Variants in ESRRG observed in about 807,000 individuals in gnomAD.
ESRRG encodes the protein estrogen-related receptor gamma.
Under a neutral mutation model 44.0 loss-of-function variants are expected in ESRRG, and 13 were observed. That is an observed-to-expected ratio of 0.30 (90% confidence interval 0.19 to 0.47). The LOEUF (loss-of-function observed/expected upper bound fraction) is 0.47, where lower values mean the gene tolerates loss of function less well. Among genes scored for constraint, ESRRG ranks in the 20% least tolerant of loss-of-function variants. The pLI, the probability that ESRRG is intolerant of heterozygous loss-of-function variation, is 1.00. For synonymous variants in ESRRG, 215 were observed against 214.6 expected (o/e 1.00, Z -0.02); for missense variants, 395 against 580.6 (o/e 0.68, Z 3.29).
chr1:216,592,657 C>G (rs541890468), intron 3 of ESRRG, among the ~76,000 whole-genome samples: 2 of 152,088 alleles, frequency 1.3e-5, no homozygotes, highest in African/African-American at 4.8e-5. Flanking sequence ...TGCACCACCA[C>G]GCCCAGCTAA....
At chr1:216,611,205 C>T (rs931156117) in intron 3 of ESRRG, among the ~76,000 whole-genome samples, 6 of 100,228 alleles carry the variant, frequency 6.0e-5, no homozygotes, top group South Asian at 3.6e-4. Flanking sequence ...AGTGAAACTC[C>T]GTCCTCAAAA....
At chr1:216,756,435 C>T (rs1201524448) in intron 2 of ESRRG, among the ~76,000 whole-genome samples, 1 of 151,930 alleles carries the variant, frequency 6.6e-6, no homozygotes, top group East Asian at 1.9e-4. Context: ...ACTCATTTTT[C>T]TCTGCATATC....
In ESRRG at chr1:216,770,100, A is replaced by T. The variant is rs562590968; in HGVS notation, c.-13-92609T>A. Among the ~76,000 whole-genome samples, 6 of 152,158 alleles carry T rather than the reference A, an allele frequency of 3.9e-5. No individual in the cohort carries two copies. In the South Asian group the frequency reaches 1.2e-3, roughly 32 times the overall value. ...AAGATAGATAGAAAATACCACAGAC[A>T]TTGAGAGAAGGAAGGAGAAGAAATG... On this transcript the variant is annotated intron_variant, in intron 2 of 7. Coordinates refer to the ESRRG transcript ENST00000359162.
intron 1 of ESRRG, among the ~76,000 whole-genome samples, chr1:217,026,910 C>CAGAGAGAGAGAGAGAGAGAG (rs1414926581): frequency 7.2e-5 from 7 of 97,254 alleles, no homozygotes; most frequent in African/African-American, 2.8e-4. Context: ...CACACACACA[C>CAGAGAGAGAGAGAGAGAGAG]ACAGAGAGAG....
intron 1 of ESRRG, among the ~76,000 whole-genome samples, chr1:217,036,715 C>T (rs111839609): frequency 6.6e-6 from 1 of 151,962 alleles, no homozygotes; most frequent in South Asian, 2.1e-4. Flanking sequence ...CTAATGAATA[C>T]TAGACTTAAT....
intron 1 of ESRRG, among the ~76,000 whole-genome samples, chr1:217,112,308 A>G (rs1382548752): frequency 6.6e-6 from 1 of 152,162 alleles, no homozygotes; most frequent in African/African-American, 2.4e-5. Context: ...AATCTACAAC[A>G]ATGGCTTTGG....
intron 2 of ESRRG, among the ~76,000 whole-genome samples, chr1:216,668,557 T>G (rs2151357945): frequency 6.6e-6 from 1 of 152,366 alleles, no homozygotes; most frequent in Non-Finnish European, 1.5e-5. Context: ...CATTTTATTC[T>G]ATTTTTCTTT....
At chr1:216,658,265 G>A (rs888683943) in intron 2 of ESRRG, among the ~76,000 whole-genome samples, 5 of 151,996 alleles carry the variant, frequency 3.3e-5, no homozygotes, top group African/African-American at 1.2e-4. Context: ...ATAAAATGAG[G>A]ACAAATTACT....
intron 1 of ESRRG, chr1:216,715,091 T>G: frequency 2.0e-6 from 2 of 985,456 alleles, no homozygotes; most frequent in Non-Finnish European, 2.4e-6. Context: ...CAACTCCTGA[T>G]GCTGTCTAGA....
chr1:216,829,995 T>C (rs971299262), intron 2 of ESRRG, among the ~76,000 whole-genome samples: 1 of 152,116 alleles, frequency 6.6e-6, no homozygotes, highest in African/African-American at 2.4e-5. Flanking sequence ...CAATATCATG[T>C]TTCTAAATGG....
At chr1:216,732,185 C>T (rs2088948821) in intron 2 of ESRRG, among the ~76,000 whole-genome samples, 3 of 151,554 alleles carry the variant, frequency 2.0e-5, no homozygotes, top group Non-Finnish European at 1.5e-5. Flanking sequence ...AATATTTTTG[C>T]TATAATTTAA....
At position 216,912,183 on chromosome 1, in the gene ESRRG, A is replaced by AAGAAAAGGAG. The variant is rs1560083326; in HGVS notation, c.-14+27398_-14+27399insCTCCTTTTCT. 1.5e-3 allele frequency among the ~76,000 whole-genome samples: 31 copies of AAGAAAAGGAG among 21,148 alleles called. 7 individuals are homozygous for AAGAAAAGGAG. The highest frequency in any genetic ancestry group is 2.0e-3 in the Non-Finnish European group (26 of 12,710). The allele number at this position is 21,148 out of a possible 152,430, so 13.9% of individuals were successfully genotyped here. A position where few individuals can be genotyped will look rare whatever the true frequency, so the allele number is the denominator to read the frequency against. ...AAGAAAAGAAAAGAAAAGAAAAGAA[A>AAGAAAAGGAG]AGGAGAGGAGAGGAGAGGAGAGGAG... On this transcript the variant is annotated intron_variant, in intron 2 of 7. Coordinates refer to the ESRRG transcript ENST00000359162.
chr1:216,784,464 T>A (rs886706824), intron 2 of ESRRG, among the ~76,000 whole-genome samples: 3 of 151,986 alleles, frequency 2.0e-5, no homozygotes, highest in Admixed American at 2.0e-4. Flanking sequence ...ACATACACAA[T>A]CTAGAATATA....
intron 1 of ESRRG, among the ~76,000 whole-genome samples, chr1:216,684,840 G>T (rs1353986385): frequency 2.0e-5 from 3 of 152,170 alleles, no homozygotes; most frequent in Admixed American, 2.0e-4. Context: ...ATAAACTTCT[G>T]CCATGTAATC....
rs56050369 is a variant in ESRRG at position 216,931,835 on chromosome 1, C to CAAA, written c.-14+7744_-14+7746dup. Among the ~76,000 whole-genome samples, 401 of 130,944 alleles carry CAAA rather than the reference C, an allele frequency of 3.1e-3. 2 individuals are homozygous for CAAA. Among genetic ancestry groups the CAAA allele is most frequent in the African/African-American group, 0.011 (375 of 34,234 alleles). 85.9% of individuals were successfully genotyped at this position (130,944 alleles called of 152,430 possible). A position where few individuals can be genotyped will look rare whatever the true frequency, so the allele number is the denominator to read the frequency against. On this transcript the variant is annotated intron_variant, in intron 2 of 7. Transcript: ENST00000359162. ...ATCAAGACAGAAAAATGAGAAACCA[C>CAAA]AAAAAAAAAAAAAAACACAAAATAA...
chr1:216,909,637 A>C (rs1362159590), intron 2 of ESRRG, among the ~76,000 whole-genome samples: 1 of 152,130 alleles, frequency 6.6e-6, no homozygotes, highest in Non-Finnish European at 1.5e-5. Flanking sequence ...TACCCACCTC[A>C]GCCTCCCAAA....
At position 216,506,178 on chromosome 1, in the gene ESRRG, T is replaced by C. The variant is rs2041164950; in HGVS notation, c.*761A>G. On this transcript the variant is annotated 3_prime_UTR_variant, in exon 7 of 7. Transcript: ENST00000408911. ...AAGAAGCAGCCGATGCAACGTTGCT[T>C]AAGTTGTCTAATTAGAGGCTGCTCC... 1 of 153,484 alleles carries C rather than the reference T, an allele frequency of 6.5e-6. No homozygotes were observed. The highest frequency in any genetic ancestry group is 1.5e-5 in the Non-Finnish European group (1 of 68,646). The allele number at this position is 153,484 out of a possible 1,614,324, so 9.5% of individuals were successfully genotyped here.
At chr1:217,018,689 C>T (rs1361870306) in intron 1 of ESRRG, among the ~76,000 whole-genome samples, 3 of 152,138 alleles carry the variant, frequency 2.0e-5, no homozygotes, top group African/African-American at 7.2e-5. Context: ...TCTGCTATGA[C>T]TGTCCTTCCC....
At chr1:217,113,715 C>A (rs2092686456) in intron 1 of ESRRG, among the ~76,000 whole-genome samples, 1 of 152,116 alleles carries the variant, frequency 6.6e-6, no homozygotes, top group Non-Finnish European at 1.5e-5. Context: ...CTGGGCCAGG[C>A]ACAGTGGCTT....
Sources: allele counts gnomAD v4.1 joint callset (sites outside exome capture counted in the v4.1 genomes callset), GRCh38; gene constraint gnomAD v4.1.1; transcripts MANE v1.5; gene names NCBI Gene and HGNC (gene_info 2026-07-23, HGNC 2026-07-21).